SEC23B: variants seen among roughly 807,000 people sequenced by gnomAD.
SEC23B encodes protein transport protein Sec23B.
Under a neutral mutation model 104.3 loss-of-function variants are expected in SEC23B, and 77 were observed. The observed-to-expected ratio is 0.74, with a 90% CI of 0.61 to 0.89. The LOEUF is 0.89. Ranked by LOEUF, SEC23B falls within the 40% of genes least tolerant of loss-of-function variation. The pLI, the probability that SEC23B is intolerant of heterozygous loss-of-function variation, is 0.00. For missense variants in SEC23B, 885 were observed against 949.4 expected, an observed-to-expected ratio of 0.93 and a Z score of 0.89; for synonymous variants, 338 against 332.5, an observed-to-expected ratio of 1.02 and a Z score of -0.18.
chr20:18,554,088 C>T (rs2060412911), intron 17 of SEC23B, 147 bp from the exon 18 acceptor site: 3 of 934,150 alleles, frequency 3.2e-6, no homozygotes, highest in Non-Finnish European at 5.0e-6. Context: ...GGTAGCTCTG[C>T]TTTGCTCTCC....
chr20:18,537,655 A>G (rs62216401), intron 12 of SEC23B, among the ~76,000 whole-genome samples: 7,433 of 152,148 alleles, frequency 0.049, 337 homozygotes, highest in African/African-American at 0.12. Flanking sequence ...GTTAATGGGT[A>G]CAGCACACCA....
chr20:18,559,088 G>C (rs1308461831), intron 19 of SEC23B, among the ~76,000 whole-genome samples: 1 of 143,826 alleles, frequency 7.0e-6, no homozygotes, highest in Non-Finnish European at 1.5e-5. Context: ...GGTGGGGGGG[G>C]TGTCGGGGGC....
chr20:18,519,532 G>C (rs762119577), intron 4 of SEC23B, among the ~76,000 whole-genome samples: 24 of 152,206 alleles, frequency 1.6e-4, no homozygotes, highest in Non-Finnish European at 2.9e-4. Context: ...GGACAAAAAG[G>C]CTACAGTGCG....
rs568926460 is a variant in SEC23B, at chr20:18,517,875, A to G, written c.366+2139A>G. On this transcript the variant is annotated intron_variant, in intron 4 of 19. Transcript: ENST00000650089. ...AAATAAGAGAAGGAGAAAAACAGGT[A>G]TTAGAGGACTAAGAATTGGGAGGAC... is the stretch of plus-strand genomic sequence containing the variant. Among the ~76,000 whole-genome samples, 193 of 152,358 alleles carry G rather than the reference A, an allele frequency of 1.3e-3. 1 individual carries two copies. The highest frequency in any genetic ancestry group is 2.2e-3 in the Non-Finnish European group (149 of 68,030).
chr20:18,520,176 A>G (rs1784427319), intron 4 of SEC23B, among the ~76,000 whole-genome samples: 1 of 152,202 alleles, frequency 6.6e-6, no homozygotes, highest in African/African-American at 2.4e-5. Context: ...AGGCAAAACA[A>G]TTTGGTTGAT....
At chr20:18,544,597 A>C (rs2060315582) in intron 14 of SEC23B, among the ~76,000 whole-genome samples, 1 of 152,206 alleles carries the variant, frequency 6.6e-6, no homozygotes, top group African/African-American at 2.4e-5. Context: ...GAGTCAGGGA[A>C]GGTACACCTT....
intron 15 of SEC23B, among the ~76,000 whole-genome samples, 169 bp downstream of exon 15, chr20:18,546,202 C>G (rs1474813167): frequency 6.6e-6 from 1 of 152,114 alleles, no homozygotes; most frequent in African/African-American, 2.4e-5. Context: ...CAGCACCCTA[C>G]GCCCTACAGA....
intron 4 of SEC23B, among the ~76,000 whole-genome samples, chr20:18,521,111 C>T (rs927112009): frequency 3.3e-5 from 5 of 152,136 alleles, no homozygotes; most frequent in African/African-American, 1.2e-4. Flanking sequence ...GCGGTTTAGG[C>T]GTTTGGAGTT....
chr20:18,535,769 C>T, intron 12 of SEC23B, 27 bp downstream of exon 12: 1 of 1,531,060 alleles, frequency 6.5e-7, no homozygotes, highest in Non-Finnish European at 9.1e-7. Context: ...CACATGTCTT[C>T]ATGTCTTAGT....
intron 19 of SEC23B, among the ~76,000 whole-genome samples, chr20:18,555,540 A>G (rs894108646): frequency 1.3e-5 from 2 of 151,378 alleles, no homozygotes; most frequent in African/African-American, 2.4e-5. Context: ...CCGCCTCCTC[A>G]CTTTCCAGCC....
chr20:18,550,043 TTATA>T (rs1227555678), intron 16 of SEC23B, among the ~76,000 whole-genome samples: 2 of 123,454 alleles, frequency 1.6e-5, no homozygotes, highest in Admixed American at 8.7e-5. Context: ...ATATAATAAA[TTATA>T]TATGTATATA....
intron 17 of SEC23B, among the ~76,000 whole-genome samples, chr20:18,551,946 T>A (rs1358492112): frequency 6.6e-6 from 1 of 152,170 alleles, no homozygotes; most frequent in Non-Finnish European, 1.5e-5. Flanking sequence ...CAGGGAACTT[T>A]ACGCTGTGTC....
At chr20:18,550,377 G>T (rs6112023) in intron 16 of SEC23B, among the ~76,000 whole-genome samples, 50,911 of 151,868 alleles carry the variant, frequency 0.34, 9,318 homozygotes, top group South Asian at 0.44. Context: ...GGCTGGCTTT[G>T]AACTCCTGGG....
intron 12 of SEC23B, among the ~76,000 whole-genome samples, chr20:18,541,138 C>T (rs1362668500): frequency 6.6e-6 from 1 of 152,224 alleles, no homozygotes; most frequent in Non-Finnish European, 1.5e-5. Context: ...CCTCAGGAAC[C>T]AACCTCTGCC....
intron 12 of SEC23B, among the ~76,000 whole-genome samples, chr20:18,536,273 C>A (rs1020556701): frequency 1.4e-4 from 22 of 152,230 alleles, no homozygotes; most frequent in African/African-American, 5.1e-4. Context: ...GTTATGTTTG[C>A]ACTATAGTAT....
At chr20:18,526,302 T>C in intron 7 of SEC23B, 71 bp from the exon 8 acceptor site, 1 of 1,539,730 alleles carries the variant, frequency 6.5e-7, no homozygotes. Context: ...GGAGTATTTC[T>C]ATTGGGAAAC....
intron 12 of SEC23B, among the ~76,000 whole-genome samples, chr20:18,539,286 A>G (rs1600260284): frequency 6.6e-6 from 1 of 151,318 alleles, no homozygotes; most frequent in East Asian, 2.0e-4. Flanking sequence ...CAGGTGGATC[A>G]CGAGGTCAAG....
At chr20:18,553,073 C>T (rs1781897595) in intron 17 of SEC23B, among the ~76,000 whole-genome samples, 1 of 152,194 alleles carries the variant, frequency 6.6e-6, no homozygotes, top group Non-Finnish European at 1.5e-5. Flanking sequence ...AGCTCATCTC[C>T]TTATCGACAT....
At chr20:18,520,721 G>A (rs1283891736) in intron 4 of SEC23B, among the ~76,000 whole-genome samples, 2 of 152,046 alleles carry the variant, frequency 1.3e-5, no homozygotes, top group Non-Finnish European at 2.9e-5. Flanking sequence ...ACAGGCCCTT[G>A]AAAAGAAGGT....
Sources: allele counts gnomAD v4.1 joint callset (sites outside exome capture counted in the v4.1 genomes callset), GRCh38; gene constraint gnomAD v4.1.1; transcripts MANE v1.5; gene names NCBI Gene and HGNC (gene_info 2026-07-23, HGNC 2026-07-21).